Variants in TSC22D1 observed in about 807,000 individuals in gnomAD.
The protein encoded by TSC22D1 is TSC22 domain family member 1.
Under a neutral mutation model 74.2 loss-of-function variants are expected in TSC22D1, and 9 were observed. That is an observed-to-expected ratio of 0.12 (90% CI 0.07 to 0.21). The LOEUF is 0.21. Among genes scored for constraint, TSC22D1 ranks in the 10% least tolerant of loss-of-function variants. TSC22D1 has a pLI of 1.00. For synonymous variants in TSC22D1, 586 were observed against 492.5 expected (o/e 1.19, Z -2.51); for missense variants, 1,427 against 1,304.7 (o/e 1.09, Z -1.44).
intron 1 of TSC22D1, among the ~76,000 whole-genome samples, chr13:44,555,720 T>C (rs1882595917): frequency 1.3e-5 from 2 of 151,888 alleles, no homozygotes; most frequent in African/African-American, 4.8e-5. Context: ...CCATGCAAGA[T>C]AGGTTTCTGT....
At chr13:44,549,252 TCAA>T (rs1247456243) in intron 1 of TSC22D1, among the ~76,000 whole-genome samples, 2 of 152,160 alleles carry the variant, frequency 1.3e-5, no homozygotes, top group Non-Finnish European at 2.9e-5. Flanking sequence ...GCAGAAGCAA[TCAA>T]CATTTTAGTT....
At chr13:44,531,563 G>T (rs1176182537) in intron 1 of TSC22D1, among the ~76,000 whole-genome samples, 1 of 151,090 alleles carries the variant, frequency 6.6e-6, no homozygotes, top group Non-Finnish European at 1.5e-5. Flanking sequence ...GGTACACTTA[G>T]TAGGTATGTA....
intron 1 of TSC22D1, chr13:44,436,771 G>C: frequency 2.0e-6 from 3 of 1,468,944 alleles, no homozygotes; most frequent in South Asian, 1.5e-5. Flanking sequence ...CCAGCTTCTA[G>C]GGCTTGATGA....
intron 1 of TSC22D1, among the ~76,000 whole-genome samples, chr13:44,444,481 T>C (rs953702226): frequency 1.7e-4 from 26 of 151,864 alleles, no homozygotes; most frequent in Admixed American, 1.0e-3. Flanking sequence ...ACAATAAGAA[T>C]ATGGAAGAAG....
chr13:44,436,752 T>G, intron 1 of TSC22D1: 2 of 1,481,878 alleles, frequency 1.3e-6, no homozygotes, highest in Non-Finnish European at 1.8e-6. Flanking sequence ...AGCCCTAATT[T>G]AAAGAAACCC....
At chr13:44,511,623 C>CACAA (rs1879721949) in intron 1 of TSC22D1, among the ~76,000 whole-genome samples, 1 of 147,548 alleles carries the variant, frequency 6.8e-6, no homozygotes, top group Non-Finnish European at 1.5e-5. Context: ...AAGAAATACA[C>CACAA]ACACACACAC....
chr13:44,555,109 C>T (rs1053091248), intron 1 of TSC22D1, among the ~76,000 whole-genome samples: 6 of 149,100 alleles, frequency 4.0e-5, no homozygotes, highest in African/African-American at 1.5e-4. Flanking sequence ...GATAACTAGA[C>T]CTCTAAATTA....
Position 44,576,080 on chromosome 13 carries a change from T to C in TSC22D1, c.-6A>G. On this transcript the variant is annotated 5_prime_UTR_variant, in exon 1 of 3. Transcript: ENST00000458659. Reference sequence around the variant, plus strand: ...GACTCAGGCGGCTGGTGCATTGTGTTGGGTACCGGGGGCGCGGAGGAGACG... The same window carrying C: ...GACTCAGGCGGCTGGTGCATTGTGTCGGGTACCGGGGGCGCGGAGGAGACG... 1 of 1,539,146 alleles carries C rather than the reference T, an allele frequency of 6.5e-7. No individual in the cohort carries two copies. Among genetic ancestry groups the C allele is most frequent in the Non-Finnish European group, 8.7e-7 (1 of 1,147,464 alleles).
chr13:44,553,155 C>G (rs1009964376), intron 1 of TSC22D1, among the ~76,000 whole-genome samples: 17 of 152,186 alleles, frequency 1.1e-4, no homozygotes, highest in African/African-American at 4.1e-4. Context: ...ACGAACATTT[C>G]TCAATCTGTG....
At chr13:44,560,859 T>G (rs757584165) in intron 1 of TSC22D1, among the ~76,000 whole-genome samples, 6 of 152,196 alleles carry the variant, frequency 3.9e-5, no homozygotes, top group Non-Finnish European at 7.3e-5. Flanking sequence ...TCTTTGGGGT[T>G]TTCTTAAAAT....
At chr13:44,491,553 C>CAAAAAAAAAAAA (rs1166772028) in intron 1 of TSC22D1, among the ~76,000 whole-genome samples, 1 of 56,070 alleles carries the variant, frequency 1.8e-5, no homozygotes, top group Non-Finnish European at 3.6e-5. Context: ...GACTCCGTCT[C>CAAAAAAAAAAAA]AAAAAAAAAA....
At chr13:44,483,567 C>T (rs1477993330) in intron 1 of TSC22D1, among the ~76,000 whole-genome samples, 1 of 151,672 alleles carries the variant, frequency 6.6e-6, no homozygotes, top group Non-Finnish European at 1.5e-5. Flanking sequence ...CAGCAATAGG[C>T]TGAGGCAGGA....
intron 1 of TSC22D1, among the ~76,000 whole-genome samples, chr13:44,466,942 C>A (rs1017319084): frequency 1.3e-5 from 2 of 152,042 alleles, no homozygotes; most frequent in African/African-American, 4.8e-5. Context: ...GTGGGCAGAT[C>A]ACTTGAGGTC....
chr13:44,560,055 T>G (rs1467082586), intron 1 of TSC22D1, among the ~76,000 whole-genome samples: 1 of 152,172 alleles, frequency 6.6e-6, no homozygotes, highest in Non-Finnish European at 1.5e-5. Context: ...CCAAGTTGGC[T>G]TGGTTGTCAA....
At chr13:44,506,669 G>A (rs1879462572) in intron 1 of TSC22D1, among the ~76,000 whole-genome samples, 1 of 152,156 alleles carries the variant, frequency 6.6e-6, no homozygotes, top group East Asian at 1.9e-4. Flanking sequence ...TATGTAAGAA[G>A]ATAGCTAGAA....
intron 1 of TSC22D1, chr13:44,436,736 A>C: frequency 6.7e-7 from 1 of 1,491,962 alleles, no homozygotes. Context: ...AGAAACAGAA[A>C]ACGGCAGCCC....
chr13:44,537,199 A>G, intron 1 of TSC22D1: 4 of 875,076 alleles, frequency 4.6e-6, no homozygotes, highest in Non-Finnish European at 5.5e-6. Flanking sequence ...TTATATTAAT[A>G]TTCATAAACA....
At chr13:44,519,635 C>A (rs962323239) in intron 1 of TSC22D1, among the ~76,000 whole-genome samples, 1 of 152,060 alleles carries the variant, frequency 6.6e-6, no homozygotes, top group Non-Finnish European at 1.5e-5. Flanking sequence ...TTTGTCTCTA[C>A]CCTACCCATG....
intron 1 of TSC22D1, among the ~76,000 whole-genome samples, chr13:44,467,978 T>A (rs1877387287): frequency 6.6e-6 from 1 of 151,606 alleles, no homozygotes; most frequent in Non-Finnish European, 1.5e-5. Flanking sequence ...TGCAAAAATA[T>A]GGGATCAACC....
Sources: allele counts gnomAD v4.1 joint callset (sites outside exome capture counted in the v4.1 genomes callset), GRCh38; gene constraint gnomAD v4.1.1; transcripts MANE v1.5; gene names NCBI Gene and HGNC (gene_info 2026-07-23, HGNC 2026-07-21).